RHOU: variants seen among roughly 807,000 people sequenced by gnomAD.
RHOU encodes the protein rho-related GTP-binding protein RhoU.
In RHOU, 8 loss-of-function variants were observed where a neutral mutation model predicts 12.6. The observed-to-expected ratio is 0.64, with a 90% CI of 0.37 to 1.15. The LOEUF (loss-of-function observed/expected upper bound fraction) is 1.15. Among genes scored for constraint, RHOU ranks in the 50% most tolerant of loss-of-function variants. RHOU has a pLI of 0.01. For synonymous variants in RHOU, 161 were observed against 147.4 expected, an observed-to-expected ratio of 1.09 and a Z score of -0.67; for missense variants, 258 against 347.0, an observed-to-expected ratio of 0.74 and a Z score of 2.04.
the RHOU span, among the ~76,000 whole-genome samples, chr1:228,658,357 TTATGGACGAAATTAGAGCCCTTA>T: frequency 1.3e-5 from 2 of 151,486 alleles, no homozygotes; most frequent in African/African-American, 4.9e-5. Flanking sequence ...ATAGAAGTCC[TTATGGACGAAATTAGAGCCCTTA>T]TAAAAGGACT....
At chr1:228,707,075 C>T in the RHOU span, among the ~76,000 whole-genome samples, 11 of 127,190 alleles carry the variant, frequency 8.6e-5, no homozygotes, top group Non-Finnish European at 1.6e-4. Context: ...CAAGACGCTG[C>T]CTTTGGGACC....
At chr1:228,675,801 A>G in the RHOU span, among the ~76,000 whole-genome samples, 2 of 152,196 alleles carry the variant, frequency 1.3e-5, no homozygotes, top group African/African-American at 4.8e-5. Flanking sequence ...TATATGATTG[A>G]CCTAAAAAGA....
At chr1:228,736,260 C>CA (rs1204392489) in intron 1 of RHOU, among the ~76,000 whole-genome samples, 26,256 of 70,298 alleles carry the variant, frequency 0.37, 4,516 homozygotes, top group Non-Finnish European at 0.47. Context: ...AGAGCCTTGC[C>CA]AAAAAAAAAA....
Position 228,745,317 on chromosome 1 carries a change from C to G in RHOU, c.*1577C>G, listed in dbSNP as rs1051561700. ...CAGGGTCGGGCTTGCGGTGGGTGACCCAGAGCCACCAAAGTCACATCCACA... is the reference window on the plus strand; with the variant it reads ...CAGGGTCGGGCTTGCGGTGGGTGACGCAGAGCCACCAAAGTCACATCCACA... On this transcript the variant is annotated 3_prime_UTR_variant, in exon 3 of 3. Transcript: ENST00000366691. The G allele has an allele frequency of 6.6e-6, 1 of 152,076 alleles. No homozygotes were observed. Among genetic ancestry groups the G allele is most frequent in the African/African-American group, 2.4e-5 (1 of 41,396 alleles). The allele number at this position is 152,076 out of a possible 1,614,324, so 9.4% of individuals were successfully genotyped here.
At chr1:228,739,772 G>T (rs182098778) in intron 2 of RHOU, among the ~76,000 whole-genome samples, 153 of 152,330 alleles carry the variant, frequency 1.0e-3, no homozygotes, top group African/African-American at 3.5e-3. Context: ...TGGGCTCCCC[G>T]TAAGTGTTGG....
At chr1:228,699,485 A>G in the RHOU span, among the ~76,000 whole-genome samples, 1 of 141,034 alleles carries the variant, frequency 7.1e-6, no homozygotes, top group Admixed American at 7.2e-5. Context: ...AGCCTGTAGC[A>G]TTTAGTCATA....
the RHOU span, chr1:228,687,914 T>C: frequency 4.0e-6 from 3 of 752,856 alleles, no homozygotes; most frequent in East Asian, 2.5e-5. Flanking sequence ...TCTCCCCCTC[T>C]CCCTCCTCTG....
chr1:228,702,804 T>C, the RHOU span, among the ~76,000 whole-genome samples: 1 of 152,222 alleles, frequency 6.6e-6, no homozygotes, highest in Admixed American at 6.5e-5. Context: ...CATATAGACA[T>C]ATAGACACAA....
At chr1:228,687,174 G>A in the RHOU span, among the ~76,000 whole-genome samples, 27 of 152,120 alleles carry the variant, frequency 1.8e-4, no homozygotes, top group Non-Finnish European at 2.4e-4. Context: ...GGCTTCACTG[G>A]CCCGCTCCAC....
At chr1:228,691,314 T>G in the RHOU span, among the ~76,000 whole-genome samples, 1 of 152,240 alleles carries the variant, frequency 6.6e-6, no homozygotes, top group South Asian at 2.1e-4. Context: ...ATTTTATGGG[T>G]TTTGACAAAT....
At chr1:228,657,627 G>T in the RHOU span, among the ~76,000 whole-genome samples, 1 of 152,200 alleles carries the variant, frequency 6.6e-6, no homozygotes, top group African/African-American at 2.4e-5. Flanking sequence ...AGAATGATCA[G>T]ATAGAGGATA....
rs575304125 is a variant in RHOU, at chr1:228,735,702, G to GC, written c.-38dup. On this transcript the variant is annotated 5_prime_UTR_variant, in exon 1 of 3. Transcript: ENST00000366691. This position sits in a 1 kb window ranked among gnomAD's most constrained non-coding sequence, Gnocchi z 8.1. The stretch of plus-strand genomic sequence containing the variant: ...CGGGGCGGAGGGGCGGTCGGGCCGG[G>GC]CCCTGCTAGCCCGCGACCGCAAGCC... The GC allele has an allele frequency of 2.3e-3, 2,790 of 1,192,952 alleles. 58 individuals are homozygous for GC. In the African/African-American group the frequency reaches 0.041, roughly 18 times the overall value. The allele number at this position is 1,192,952 out of a possible 1,614,324, so 73.9% of individuals were successfully genotyped here. A position where few individuals can be genotyped will look rare whatever the true frequency, so the allele number is the denominator to read the frequency against.
the RHOU span, chr1:228,650,160 C>A: frequency 2.2e-6 from 1 of 455,280 alleles, no homozygotes; most frequent in African/African-American, 2.0e-5. Flanking sequence ...AGCTGCACTG[C>A]GGTTAGGGCC....
the RHOU span, among the ~76,000 whole-genome samples, chr1:228,667,653 A>T: frequency 6.6e-6 from 1 of 152,174 alleles, no homozygotes; most frequent in East Asian, 1.9e-4. Flanking sequence ...CCATGTTTTC[A>T]ATGACTACAT....
chr1:228,660,873 C>T, the RHOU span, among the ~76,000 whole-genome samples: 4 of 146,434 alleles, frequency 2.7e-5, no homozygotes, highest in South Asian at 2.2e-4. Flanking sequence ...GCAGAGGTTG[C>T]GGTGAGCTGA....
the RHOU span, among the ~76,000 whole-genome samples, chr1:228,675,937 G>GA: frequency 4.9e-4 from 70 of 144,128 alleles, no homozygotes; most frequent in East Asian, 3.6e-3. Context: ...CAAGTTTTCA[G>GA]AAAAAAAAAA....
chr1:228,678,068 G>A, the RHOU span, among the ~76,000 whole-genome samples: 1 of 152,138 alleles, frequency 6.6e-6, no homozygotes, highest in African/African-American at 2.4e-5. Context: ...GTCCTGGGCA[G>A]GGGCAAATCC....
At chr1:228,727,950 T>C in the RHOU span, among the ~76,000 whole-genome samples, 2 of 152,024 alleles carry the variant, frequency 1.3e-5, no homozygotes, top group African/African-American at 4.8e-5. Flanking sequence ...TTCTGTGATG[T>C]GTGTTTGGGG....
In RHOU at chr1:228,743,611, TGCA is replaced by T. The variant is rs1220422421; in HGVS notation, c.651_653del (p.Ala218del). ...AAAAAAACCTCAAAGAGGTCTTTGA[TGCA>T]GCCATCGTCGCTGGCATTCAATACT... is the stretch of plus-strand genomic sequence containing the variant. On this transcript the variant is annotated inframe_deletion, in exon 3 of 3. Transcript: ENST00000366691. The surrounding 1 kb of genome is among the most constrained non-coding windows in gnomAD (Gnocchi z 5.1). 1 of 1,614,220 alleles carries T rather than the reference TGCA, an allele frequency of 6.2e-7. No homozygotes were observed. The highest frequency in any genetic ancestry group is 1.1e-5 in the South Asian group (1 of 91,088).
Sources: gnomAD v4.1 joint callset for allele counts (sites outside exome capture counted in the v4.1 genomes callset) on GRCh38, gnomAD v4.1.1 for gene constraint, Gnocchi (gnomAD v3.1) non-coding constraint, MANE v1.5 for transcripts, NCBI Gene and HGNC (gene_info 2026-07-23, HGNC 2026-07-21) for gene names.